BRMS1: variants seen among roughly 807,000 people sequenced by gnomAD.
The protein encoded by BRMS1 is BRMS1 transcriptional repressor and anoikis regulator, also known as breast cancer metastasis-suppressor 1.
A neutral mutation model predicts 40.4 loss-of-function variants in BRMS1; 26 were observed. The ratio of observed to expected loss-of-function variants is 0.64; its 90% confidence interval spans 0.47 to 0.89. The LOEUF (loss-of-function observed/expected upper bound fraction) is 0.89, where lower values mean the gene tolerates loss of function less well. Ranked by LOEUF, BRMS1 falls within the 40% of genes least tolerant of loss-of-function variation. BRMS1 has a pLI of 0.00. For missense variants in BRMS1, 289 were observed against 309.4 expected (o/e 0.93, Z 0.49); for synonymous variants, 103 against 116.0 (o/e 0.89, Z 0.72).
At chr11:66,344,158 G>A (rs986487225) in intron 1 of BRMS1, among the ~76,000 whole-genome samples, 1 of 152,236 alleles carries the variant, frequency 6.6e-6, no homozygotes, top group South Asian at 2.1e-4. Context: ...GGCTGCACAT[G>A]TAACTTATTT....
Position 66,341,601 on chromosome 11 carries a change from C to G in BRMS1, c.162G>C (p.Glu54Asp). The change falls in exon 3 of 10, where the codon GAG becomes GAC. Residue 54 changes from glutamate (E) to aspartate (D), a missense_variant. Transcript: ENST00000359957. This position sits in a 1 kb window ranked among gnomAD's most constrained non-coding sequence, Gnocchi z 4.9. ...CACTGACACACTCGCTGCGGCGTCGCTCATAGTCCTCATCATCCATCTCTG... is the reference window on the plus strand; with the variant it reads ...CACTGACACACTCGCTGCGGCGTCGGTCATAGTCCTCATCATCCATCTCTG... Reference protein sequence around the residue: ...ESSEMDDEDYERRRSECVSEM... With the variant: ...ESSEMDDEDYDRRRSECVSEM... The G allele has an allele frequency of 6.2e-7, 1 of 1,614,104 alleles. No homozygotes were observed. Among genetic ancestry groups the G allele is most frequent in the Non-Finnish European group, 8.5e-7 (1 of 1,180,042 alleles).
In BRMS1 at chr11:66,341,640, G is replaced by C. The variant is rs370747673; in HGVS notation, c.140-17C>G. ...CATCCATCTCTGGGACAAGAGGCCA[G>C]TAAGGGCTAGCTCTGGGGAGGAGTG... On this transcript the variant is annotated splice_polypyrimidine_tract_variant and intron_variant, in intron 2 of 9. Coordinates refer to ENST00000359957, the MANE Select transcript of BRMS1 (RefSeq NM_015399.4). This position sits in a 1 kb window ranked among gnomAD's most constrained non-coding sequence, Gnocchi z 4.9. The C allele has an allele frequency of 2.1e-5, 34 of 1,611,232 alleles. No homozygotes were observed. Among genetic ancestry groups the C allele is most frequent in the African/African-American group, 2.7e-5 (2 of 74,904 alleles).
rs370216784 is a variant in BRMS1, at chr11:66,341,165, G to A, written c.358+41C>T. ...AGAGAGGAAGGGGACAGGGTGCCAC[G>A]GGTTCTGGGAGGGGAAGAGGGTACA... is the stretch of plus-strand genomic sequence containing the variant. On this transcript the variant is annotated intron_variant, in intron 4 of 9. Transcript: ENST00000359957. The surrounding 1 kb of genome is among the most constrained non-coding windows in gnomAD (Gnocchi z 4.9). 113 of 1,611,076 alleles carry A rather than the reference G, an allele frequency of 7.0e-5. 1 individual carries two copies. The Middle Eastern group carries it at 4.9e-3, about 71-fold the overall frequency.
At position 66,341,465 on chromosome 11, in the gene BRMS1, A is replaced by G. The variant is rs977112779; in HGVS notation, c.230+68T>C. On this transcript the variant is annotated intron_variant, in intron 3 of 9. Transcript: ENST00000359957. The surrounding 1 kb of genome is among the most constrained non-coding windows in gnomAD (Gnocchi z 4.9). ...TCCTGGGCACCAACCACGCCTGCCC[A>G]GTACCAGGCCCACCACCTCCTCATC... 6.2e-7 allele frequency: 1 copy of G among 1,600,504 alleles called. No individual in the cohort carries two copies. The highest frequency in any genetic ancestry group is 8.6e-7 in the Non-Finnish European group (1 of 1,168,438).
rs768620232 is a variant in BRMS1, at chr11:66,341,002, C to T, written c.403G>A (p.Glu135Lys). ...FCLDVIRNKY[E>K]CELQGAKQHL... ...TGTTTGGCTCCCTGCAGCTCACATT[C>T]GTACTTATTCCTGATCACATCCAGA... The change falls in exon 5 of 10, where the codon GAA becomes AAA. Residue 135 changes from glutamate to lysine, a missense_variant. Coordinates refer to ENST00000359957, the MANE Select transcript of BRMS1 (RefSeq NM_015399.4). This position sits in a 1 kb window ranked among gnomAD's most constrained non-coding sequence, Gnocchi z 4.9. 16 of 1,614,006 alleles carry T rather than the reference C, an allele frequency of 9.9e-6. No individual in the cohort carries two copies. In the East Asian group the frequency reaches 2.9e-4, roughly 29 times the overall value.
rs1486984957 is a variant in BRMS1, at chr11:66,342,108, C to G, written c.127G>C (p.Glu43Gln). ...TGTAGGGGCTCACCGGAGCTCTCCT[C>G]TTCTGACTCTGTCTGGCTGCCGCTC... is the stretch of plus-strand genomic sequence containing the variant. ...ERSGSQTESE[E>Q]ESSEMDDEDY... The change falls in exon 2 of 10, where the codon GAG becomes CAG. Residue 43 changes from glutamate (E) to glutamine (Q), a missense_variant. By Grantham distance (29) the Glu-to-Gln change is conservative. Coordinates refer to ENST00000359957, the MANE Select transcript of BRMS1 (RefSeq NM_015399.4). The G allele has an allele frequency of 1.2e-6, 2 of 1,613,242 alleles. No homozygotes were observed. Among genetic ancestry groups the G allele is most frequent in the Non-Finnish European group, 1.7e-6 (2 of 1,179,942 alleles).
intron 6 of BRMS1, 78 bp from the exon 7 acceptor site, chr11:66,340,291 T>C (rs1855037495): frequency 2.3e-6 from 3 of 1,305,024 alleles, no homozygotes; most frequent in Non-Finnish European, 3.3e-6. Context: ...GCCTCCACCA[T>C]GGGCCGGCCT....
rs752588613 is a variant in BRMS1 at position 66,337,716 on chromosome 11, A to C, written c.*166T>G. On this transcript the variant is annotated 3_prime_UTR_variant, in exon 10 of 10. Transcript: ENST00000359957. Reference sequence around the variant, plus strand: ...CAGGCCTCGAGGAGGGCAGAGGAGGAGTCCAGGCCAGTGCCAGATGGAGTG... The same window carrying C: ...CAGGCCTCGAGGAGGGCAGAGGAGGCGTCCAGGCCAGTGCCAGATGGAGTG... 7.5e-6 allele frequency: 12 copies of C among 1,608,640 alleles called. No individual in the cohort carries two copies. In the African/African-American group the frequency reaches 1.6e-4, roughly 22 times the overall value.
chr11:66,339,741 T>C, intron 7 of BRMS1: 1 of 191,044 alleles, frequency 5.2e-6, no homozygotes, highest in African/African-American at 2.3e-5. Context: ...GGACTATAGG[T>C]GCACACCACC....
chr11:66,338,702 G>C lies in BRMS1; in HGVS notation c.693+19C>G, dbSNP rs768357720. The C allele has an allele frequency of 6.2e-7, 1 of 1,611,762 alleles. No homozygotes were observed. ...GGCCCTGAGGTGGGGCAGGTCACGTGGGCAGCAGCGGCCCCCACCTTTTTG... is the reference window on the plus strand; with the variant it reads ...GGCCCTGAGGTGGGGCAGGTCACGTCGGCAGCAGCGGCCCCCACCTTTTTG... On this transcript the variant is annotated intron_variant, in intron 8 of 9. Transcript: ENST00000359957.
chr11:66,339,890 C>T lies in BRMS1; in HGVS notation c.628+231G>A, dbSNP rs146694647. On this transcript the variant is annotated intron_variant, in intron 7 of 9. Coordinates refer to ENST00000359957, the MANE Select transcript of BRMS1 (RefSeq NM_015399.4). ...GTGCTGGGACTGTAGATGTGAGCCA[C>T]GGAGCCCAGCCCGTTTCTGTTTTCC... 3.1e-4 allele frequency: 142 copies of T among 453,812 alleles called. 2 individuals carry two copies. In the East Asian group the frequency reaches 4.4e-3, roughly 14 times the overall value. The allele number at this position is 453,812 out of a possible 1,614,324, so 28.1% of individuals were successfully genotyped here.
At chr11:66,339,190 C>T (rs954717730) in intron 7 of BRMS1, among the ~76,000 whole-genome samples, 3 of 152,208 alleles carry the variant, frequency 2.0e-5, no homozygotes, top group Admixed American at 1.3e-4. Context: ...TCCATTCACT[C>T]AAGTCATGGC....
chr11:66,344,483 A>G (rs1311922390), intron 1 of BRMS1: 1 of 152,208 alleles, frequency 6.6e-6, no homozygotes, highest in Non-Finnish European at 1.5e-5. Context: ...CACTGTTAGT[A>G]TATTCACTTT....
Position 66,342,208 on chromosome 11 carries a change from G to A in BRMS1, c.27C>T (p.Asp9=). MPVQPPSK[D]TEEMEAEGDS... The stretch of plus-strand genomic sequence containing the variant: ...CACCCTCTGCTTCCATCTCTTCTGT[G>A]TCTTTGCTTGGAGGCTGGACAGGCA... The change falls in exon 2 of 10, where the codon GAC becomes GAT. Residue 9 remains aspartate (D), a synonymous_variant. Coordinates refer to ENST00000359957, the MANE Select transcript of BRMS1 (RefSeq NM_015399.4). 6.2e-7 allele frequency: 1 copy of A among 1,613,572 alleles called. No individual in the cohort carries two copies. The highest frequency in any genetic ancestry group is 8.5e-7 in the Non-Finnish European group (1 of 1,180,010).
Position 66,337,624 on chromosome 11 carries a change from G to A in BRMS1, c.*258C>T, listed in dbSNP as rs1340818590. ...AGATGGATCTTCAGGAGTGGGAGGT[G>A]GCAGGCGGCTCAGGGATGGAGACAG... On this transcript the variant is annotated 3_prime_UTR_variant, in exon 10 of 10. Transcript: ENST00000359957. 1.4e-6 allele frequency: 2 copies of A among 1,432,040 alleles called. No individual in the cohort carries two copies. Among genetic ancestry groups the A allele is most frequent in the South Asian group, 1.3e-5 (1 of 77,946 alleles). 88.7% of individuals were successfully genotyped at this position (1,432,040 alleles called of 1,614,324 possible).
intron 1 of BRMS1, chr11:66,344,584 C>T (rs1012722148): frequency 4.6e-5 from 7 of 152,290 alleles, no homozygotes; most frequent in Non-Finnish European, 8.8e-5. Flanking sequence ...AACCTTCCCA[C>T]CTTACCCCGG....
intron 8 of BRMS1, 101 bp downstream of exon 8, chr11:66,338,620 C>CT (rs1442610816): frequency 6.3e-7 from 1 of 1,597,448 alleles, no homozygotes; most frequent in Admixed American, 1.7e-5. Flanking sequence ...ATGGGGAAGC[C>CT]TTGGTGAGCA....
chr11:66,338,209 G>T, intron 9 of BRMS1, 34 bp downstream of exon 9: 5 of 1,606,840 alleles, frequency 3.1e-6, no homozygotes, highest in Non-Finnish European at 4.3e-6. Context: ...TGGCAAGGGG[G>T]CAGGGAAGGC....
Position 66,341,870 on chromosome 11 carries a change from C to CTG in BRMS1, c.139+224_139+225dup. 1.6e-6 allele frequency: 1 copy of CTG among 642,518 alleles called. No individual in the cohort carries two copies. The highest frequency in any genetic ancestry group is 2.7e-6 in the Non-Finnish European group (1 of 367,736). 39.8% of individuals were successfully genotyped at this position (642,518 alleles called of 1,614,324 possible). A position where few individuals can be genotyped will look rare whatever the true frequency, so the allele number is the denominator to read the frequency against. On this transcript the variant is annotated intron_variant, in intron 2 of 9. Transcript: ENST00000359957. The surrounding 1 kb of genome is among the most constrained non-coding windows in gnomAD (Gnocchi z 4.9). ...GTGCACGTGTACTTGTGTGAAGGGG[C>CTG]TGTGTGTGTGCATACGTGCTTGTGT...
Sources: allele counts gnomAD v4.1 joint callset (sites outside exome capture counted in the v4.1 genomes callset), GRCh38; gene constraint gnomAD v4.1.1; non-coding constraint Gnocchi (gnomAD v3.1); transcripts MANE v1.5; gene names NCBI Gene and HGNC (gene_info 2026-07-23, HGNC 2026-07-21).